DAB1: variants seen among roughly 807,000 people sequenced by gnomAD.
The protein encoded by DAB1 is DAB adaptor protein 1.
Under a neutral mutation model 64.6 loss-of-function variants are expected in DAB1, and 15 were observed. The ratio of observed to expected loss-of-function variants is 0.23; its 90% CI spans 0.16 to 0.36. The LOEUF (loss-of-function observed/expected upper bound fraction) is 0.36. DAB1 is among the 10% of genes least tolerant of loss of function. The pLI is 1.00. For synonymous variants in DAB1, 235 were observed against 251.9 expected (o/e 0.93, Z 0.64); for missense variants, 596 against 706.7 (o/e 0.84, Z 1.78).
rs538875725 is a variant in DAB1 at position 57,132,371 on chromosome 1, A to G, written c.306+4172T>C. ...CTTTGTGAGTCTGGGTTCACTAATG[A>G]ACTATGAGCATCTCAGGGGCAAGGA... On this transcript the variant is annotated intron_variant, in intron 4 of 14. Transcript: ENST00000371236. 2.6e-5 allele frequency among the ~76,000 whole-genome samples: 4 copies of G among 152,306 alleles called. No homozygotes were observed. The South Asian group carries it at 8.3e-4, about 32-fold the overall frequency.
At chr1:58,344,729 T>C (rs1009804463) in intron 3 of DAB1, among the ~76,000 whole-genome samples, 3 of 152,184 alleles carry the variant, frequency 2.0e-5, no homozygotes, top group East Asian at 1.9e-4. Flanking sequence ...TTAAATACCA[T>C]TGAGAGGTTA....
intron 7 of DAB1, among the ~76,000 whole-genome samples, chr1:57,633,369 T>G (rs1395404388): frequency 6.6e-6 from 1 of 152,230 alleles, no homozygotes; most frequent in Non-Finnish European, 1.5e-5. Context: ...AAGCCTGAGT[T>G]TCTTTATTTC....
chr1:57,965,109 G>C (rs1645630782), intron 5 of DAB1, among the ~76,000 whole-genome samples: 1 of 152,214 alleles, frequency 6.6e-6, no homozygotes, highest in Admixed American at 6.5e-5. Context: ...CCACACAATA[G>C]ACAGCGTGAG....
At chr1:57,376,644 T>G (rs1057195670) in intron 1 of DAB1, among the ~76,000 whole-genome samples, 2 of 152,208 alleles carry the variant, frequency 1.3e-5, no homozygotes, top group African/African-American at 4.8e-5. Flanking sequence ...GGGACAGGGA[T>G]GACTTTGTAT....
At chr1:57,677,515 C>G (rs1646582098) in intron 6 of DAB1, among the ~76,000 whole-genome samples, 1 of 152,188 alleles carries the variant, frequency 6.6e-6, no homozygotes, top group Non-Finnish European at 1.5e-5. Context: ...GCATTCCAGG[C>G]CTTCCTCTGG....
At chr1:58,458,384 G>A (rs1216407947) in intron 3 of DAB1, among the ~76,000 whole-genome samples, 2 of 152,186 alleles carry the variant, frequency 1.3e-5, no homozygotes, top group Non-Finnish European at 2.9e-5. Context: ...TTTTAGAGAG[G>A]TGGAAACAGT....
intron 2 of DAB1, among the ~76,000 whole-genome samples, chr1:57,188,178 C>T (rs988730024): frequency 6.6e-6 from 1 of 152,136 alleles, no homozygotes; most frequent in East Asian, 1.9e-4. Flanking sequence ...TCTACCAAGG[C>T]CTTTCTGAAG....
At chr1:57,902,648 G>A (rs930188925) in intron 5 of DAB1, among the ~76,000 whole-genome samples, 7 of 152,068 alleles carry the variant, frequency 4.6e-5, no homozygotes, top group East Asian at 1.9e-4. Context: ...TAAGCCAGCC[G>A]TTTTACAGAA....
chr1:57,266,540 C>A (rs1186326131), intron 2 of DAB1, among the ~76,000 whole-genome samples: 1 of 152,190 alleles, frequency 6.6e-6, no homozygotes, highest in Non-Finnish European at 1.5e-5. Flanking sequence ...TTTATCATTC[C>A]TTTAATCCCT....
At chr1:57,930,887 T>C (rs1291647990) in intron 5 of DAB1, among the ~76,000 whole-genome samples, 2 of 152,322 alleles carry the variant, frequency 1.3e-5, no homozygotes, top group South Asian at 4.1e-4. Context: ...ACTTCTAATA[T>C]GATGTTGAAA....
chr1:58,539,276 A>G (rs1195487925), intron 1 of DAB1: 7 of 852,584 alleles, frequency 8.2e-6, no homozygotes, highest in Admixed American at 1.8e-5. Context: ...GCAGACTGCA[A>G]TCCACAGATG....
intron 4 of DAB1, among the ~76,000 whole-genome samples, chr1:58,212,905 T>C (rs573434281): frequency 3.9e-5 from 6 of 152,170 alleles, no homozygotes; most frequent in Non-Finnish European, 5.9e-5. Context: ...GGTGGAGTTA[T>C]CAGTGTTCCA....
chr1:57,196,629 T>G (rs1416581036), intron 2 of DAB1, among the ~76,000 whole-genome samples: 1 of 152,230 alleles, frequency 6.6e-6, no homozygotes, highest in Non-Finnish European at 1.5e-5. Context: ...TGTGCACCTT[T>G]CAAAGGGGTC....
intron 7 of DAB1, among the ~76,000 whole-genome samples, chr1:57,478,586 C>CTTTTTTTTT (rs35538831): frequency 3.7e-5 from 3 of 81,216 alleles, no homozygotes; most frequent in African/African-American, 5.3e-5. Context: ...TATTCCCATT[C>CTTTTTTTTT]TTTTTTTTTT....
intron 1 of DAB1, among the ~76,000 whole-genome samples, chr1:57,881,548 T>G (rs915134376): frequency 6.6e-6 from 1 of 152,226 alleles, no homozygotes; most frequent in African/African-American, 2.4e-5. Flanking sequence ...AAATCAGATA[T>G]GACAGTACCT....
At chr1:58,508,156 C>T (rs1646018626) in intron 2 of DAB1, among the ~76,000 whole-genome samples, 3 of 152,030 alleles carry the variant, frequency 2.0e-5, no homozygotes, top group African/African-American at 7.2e-5. Flanking sequence ...GTATTCCAAG[C>T]TAAAAGTATT....
chr1:57,518,111 T>A (rs911937206), intron 7 of DAB1, among the ~76,000 whole-genome samples: 11 of 152,226 alleles, frequency 7.2e-5, no homozygotes, highest in African/African-American at 2.7e-4. Context: ...ACTAGATTGC[T>A]TTCTTTCATA....
chr1:57,800,851 T>C (rs1651091197), intron 6 of DAB1, among the ~76,000 whole-genome samples: 1 of 152,340 alleles, frequency 6.6e-6, no homozygotes, highest in African/African-American at 2.4e-5. Context: ...ACAATGGATG[T>C]GACTGTCTTA....
At chr1:57,792,417 T>C (rs1160444742) in intron 6 of DAB1, among the ~76,000 whole-genome samples, 1 of 152,234 alleles carries the variant, frequency 6.6e-6, no homozygotes, top group Admixed American at 6.5e-5. Flanking sequence ...TTTTCTATGA[T>C]CTCTTCACAG....
Sources: gnomAD v4.1 joint callset for allele counts (sites outside exome capture counted in the v4.1 genomes callset) on GRCh38, gnomAD v4.1.1 for gene constraint, MANE v1.5 for transcripts, NCBI Gene and HGNC (gene_info 2026-07-23, HGNC 2026-07-21) for gene names.